C19orf47: variants seen among roughly 807,000 people sequenced by gnomAD.
C19orf47 encodes the protein uncharacterized protein C19orf47.
A neutral mutation model predicts 32.3 loss-of-function variants in C19orf47; 18 were observed. The observed-to-expected ratio is 0.56, with a 90% CI of 0.39 to 0.83. The LOEUF (loss-of-function observed/expected upper bound fraction) is 0.83. C19orf47 is among the 40% of genes least tolerant of loss of function. C19orf47 has a pLI of 0.00. For synonymous variants in C19orf47, 202 were observed against 211.1 expected, an observed-to-expected ratio of 0.96 and a Z score of 0.37; for missense variants, 484 against 531.6, an observed-to-expected ratio of 0.91 and a Z score of 0.88.
rs1269677714 is a variant in C19orf47 at position 40,333,919 on chromosome 19, T to C, written c.233A>G (p.Lys78Arg). ...GCAGGGTACTGACTCAGTGGCAGCT[T>C]TGCACATGTCCTGTGAAAAAAGAAC... ...AKVVHRQDMC[K>R]AATESVPCSP... The change falls in exon 5 of 9, where the codon AAA becomes AGA. Residue 78 changes from lysine (K) to arginine (R), a missense_variant. Lys to Arg is a conservative substitution (Grantham distance 26). Transcript: ENST00000683109. 2 of 1,568,482 alleles carry C rather than the reference T, an allele frequency of 1.3e-6. No homozygotes were observed. The highest frequency in any genetic ancestry group is 2.7e-5 in the African/African-American group (2 of 74,116).
At chr19:40,303,858 C>T in the C19orf47 span, among the ~76,000 whole-genome samples, 1 of 142,612 alleles carries the variant, frequency 7.0e-6, no homozygotes, top group Non-Finnish European at 1.5e-5. Flanking sequence ...ATGCAAATTG[C>T]AACCAGGAAA....
intron 1 of C19orf47, among the ~76,000 whole-genome samples, chr19:40,346,959 G>A (rs921530806): frequency 2.6e-5 from 4 of 152,112 alleles, no homozygotes; most frequent in African/African-American, 7.2e-5. Context: ...AGTAAGCTAG[G>A]GAAACAGTGG....
the C19orf47 span, among the ~76,000 whole-genome samples, chr19:40,313,104 C>A: frequency 6.6e-6 from 1 of 152,134 alleles, no homozygotes; most frequent in Non-Finnish European, 1.5e-5. Context: ...CACAACCTAC[C>A]AAACTATTTT....
intron 5 of C19orf47, 101 bp downstream of exon 5, chr19:40,333,750 A>C: frequency 2.1e-6 from 2 of 966,626 alleles, no homozygotes; most frequent in Non-Finnish European, 3.0e-6. Flanking sequence ...CTTTGTTTCT[A>C]CCTTTGAAAA....
At position 40,324,038 on chromosome 19, in the gene C19orf47, C is replaced by T. The variant is rs760599992; in HGVS notation, c.631G>A (p.Glu211Lys). 3.1e-6 allele frequency: 5 copies of T among 1,614,112 alleles called. No homozygotes were observed. Among genetic ancestry groups the T allele is most frequent in the African/African-American group, 2.7e-5 (2 of 74,938 alleles). Residue 211 changes from glutamate (E) to lysine (K), a missense_variant, in exon 8 of 9, where the codon GAG becomes AAG. Glu to Lys is a moderately conservative substitution (Grantham distance 56). This residue lies in a region of C19orf47 where 376 missense variants were observed against 370.2 expected (regional missense o/e 1.02). Coordinates refer to ENST00000683109, the MANE Select transcript of C19orf47 (RefSeq NM_001256441.2). ...RTSVFDRLGA[E>K]TKADTTTGSK... ...CCTGTCGTGGTGTCTGCCTTGGTCTCGGCGCCGAGGCGGTCAAACACAGAC... is the reference window on the plus strand; with the variant it reads ...CCTGTCGTGGTGTCTGCCTTGGTCTTGGCGCCGAGGCGGTCAAACACAGAC...
the C19orf47 span, among the ~76,000 whole-genome samples, chr19:40,297,119 AG>A: frequency 6.6e-6 from 1 of 152,226 alleles, no homozygotes; most frequent in Non-Finnish European, 1.5e-5. Flanking sequence ...AAATAAAACT[AG>A]TTTAATATTG....
rs2077722331 is a variant in C19orf47, at chr19:40,321,782, T to TC, written c.*99dup. The stretch of plus-strand genomic sequence containing the variant: ...TAGAGCCCGAGGGAGACAAGCTGTG[T>TC]CATCCAGGAGCTGGTGGGAGGCGTG... On this transcript the variant is annotated 3_prime_UTR_variant, in exon 9 of 9. Transcript: ENST00000683109. 2 of 1,441,872 alleles carry TC rather than the reference T, an allele frequency of 1.4e-6. No homozygotes were observed. Among genetic ancestry groups the TC allele is most frequent in the Non-Finnish European group, 1.8e-6 (2 of 1,101,560 alleles). 89.3% of individuals were successfully genotyped at this position (1,441,872 alleles called of 1,614,324 possible). A position where few individuals can be genotyped will look rare whatever the true frequency, so the allele number is the denominator to read the frequency against.
intron 4 of C19orf47, among the ~76,000 whole-genome samples, chr19:40,334,640 C>G (rs752388626): frequency 5.6e-4 from 86 of 152,242 alleles, no homozygotes; most frequent in Non-Finnish European, 1.1e-3. Flanking sequence ...CCCAATCACT[C>G]GGGTGGCTGA....
chr19:40,313,740 G>A, the C19orf47 span, among the ~76,000 whole-genome samples: 1 of 152,140 alleles, frequency 6.6e-6, no homozygotes, highest in South Asian at 2.1e-4. Context: ...TACAATTACA[G>A]GCAAGAGGCA....
intron 5 of C19orf47, among the ~76,000 whole-genome samples, chr19:40,331,802 C>A (rs914730453): frequency 1.6e-4 from 24 of 152,042 alleles, no homozygotes; most frequent in Non-Finnish European, 3.1e-4. Flanking sequence ...TTTGGGGGGC[C>A]AAGGTGGGTG....
chr19:40,295,867 C>T, the C19orf47 span, among the ~76,000 whole-genome samples: 3 of 152,122 alleles, frequency 2.0e-5, no homozygotes, highest in Non-Finnish European at 4.4e-5. Flanking sequence ...CCACCTCAAC[C>T]TCCCGAGTAG....
intron 3 of C19orf47, 29 bp downstream of exon 3, chr19:40,336,291 C>A: frequency 6.2e-7 from 1 of 1,613,982 alleles, no homozygotes; most frequent in Non-Finnish European, 8.5e-7. Context: ...AGCTCCCCAC[C>A]ACCCCATCCC....
downstream of C19orf47, among the ~76,000 whole-genome samples, chr19:40,315,315 T>A (rs1296490729): frequency 1.3e-5 from 2 of 152,144 alleles, no homozygotes; most frequent in African/African-American, 2.4e-5. Flanking sequence ...ATACAGCAGC[T>A]CTCTGCACTA....
chr19:40,340,353 T>C (rs1162183590), intron 2 of C19orf47, among the ~76,000 whole-genome samples: 2 of 152,112 alleles, frequency 1.3e-5, no homozygotes, highest in Non-Finnish European at 2.9e-5. Flanking sequence ...AAAATAGATT[T>C]TGCCTGCTTC....
downstream of C19orf47, among the ~76,000 whole-genome samples, chr19:40,314,856 C>T (rs534113150): frequency 6.6e-6 from 1 of 152,180 alleles, no homozygotes; most frequent in Admixed American, 6.5e-5. Context: ...TCAGTGTGTC[C>T]CCTTGATATG....
At chr19:40,345,746 G>A (rs1324362562) in intron 1 of C19orf47, among the ~76,000 whole-genome samples, 2 of 126,200 alleles carry the variant, frequency 1.6e-5, no homozygotes, top group Non-Finnish European at 3.4e-5. Context: ...GTAGGCTAAG[G>A]TGGGAGAATC....
chr19:40,310,033 T>C, the C19orf47 span, among the ~76,000 whole-genome samples: 11 of 152,182 alleles, frequency 7.2e-5, no homozygotes, highest in Non-Finnish European at 1.2e-4. Context: ...CCCAAGAGAA[T>C]TGAAAACATA....
In C19orf47 at chr19:40,328,557, G is replaced by T. The variant is rs748505221; in HGVS notation, c.302-7C>A. ...GTGATCATTCGGGAGGCAGCTGTGG[G>T]GAGAAAAGGAGAGTCCGGTCGGGTG... On this transcript the variant is annotated splice_polypyrimidine_tract_variant and splice_region_variant and intron_variant, in intron 5 of 8. Coordinates refer to ENST00000683109, the MANE Select transcript of C19orf47 (RefSeq NM_001256441.2). The T allele has an allele frequency of 6.2e-7, 1 of 1,600,010 alleles. No individual in the cohort carries two copies. Among genetic ancestry groups the T allele is most frequent in the East Asian group, 2.3e-5 (1 of 44,022 alleles).
chr19:40,334,039 C>T (rs918244984), intron 4 of C19orf47, 110 bp from the exon 5 acceptor site: 1 of 727,984 alleles, frequency 1.4e-6, no homozygotes, highest in Non-Finnish European at 2.2e-6. Flanking sequence ...AAGATTCTAA[C>T]ACATTTCACT....
Sources: allele counts gnomAD v4.1 joint callset (sites outside exome capture counted in the v4.1 genomes callset), GRCh38; gene constraint gnomAD v4.1.1; regional missense constraint gnomAD v4.1.1; transcripts MANE v1.5; gene names NCBI Gene and HGNC (gene_info 2026-07-23, HGNC 2026-07-21).